The following INPP5D variants were observed in gnomAD, a reference collection of about 807,000 sequenced individuals.
INPP5D encodes inositol polyphosphate-5-phosphatase D, also known as phosphatidylinositol 3,4,5-trisphosphate 5-phosphatase 1.
INPP5D carries 33 observed loss-of-function variants against 122.9 expected under a neutral mutation model. That is an observed-to-expected ratio of 0.27 (90% CI 0.20 to 0.36). The LOEUF is 0.36. Ranked by LOEUF, INPP5D falls within the 10% of genes least tolerant of loss-of-function variation. INPP5D has a pLI of 1.00. For synonymous variants in INPP5D, 584 were observed against 576.2 expected (o/e 1.01, Z -0.19); for missense variants, 1,053 against 1,412.7 (o/e 0.75, Z 4.08).
chr2:233,189,981 G>T lies in INPP5D; in HGVS notation c.2446+44G>T. The T allele has an allele frequency of 6.2e-7, 1 of 1,603,496 alleles. No homozygotes were observed. The highest frequency in any genetic ancestry group is 1.1e-5 in the South Asian group (1 of 89,820). ...GTGCCACACCTGCCTGTGAACTGGC[G>T]GCCTCTGACGTAGCATTGCCTTCAG... On this transcript the variant is annotated intron_variant, in intron 22 of 26. Transcript: ENST00000445964. This position sits in a 1 kb window ranked among gnomAD's most constrained non-coding sequence, Gnocchi z 5.6.
At chr2:233,156,436 C>T (rs1467686543) in intron 9 of INPP5D, among the ~76,000 whole-genome samples, 1 of 152,182 alleles carries the variant, frequency 6.6e-6, no homozygotes, top group Non-Finnish European at 1.5e-5. Context: ...ACTACAGGTG[C>T]CCGCCACCAC....
chr2:233,145,335 A>T, intron 6 of INPP5D: 5 of 456,170 alleles, frequency 1.1e-5, no homozygotes, highest in Non-Finnish European at 2.2e-5. Flanking sequence ...TTAACGGAGC[A>T]TCTTCGTTGG....
chr2:233,171,188 A>G (rs777154015), intron 17 of INPP5D, 36 bp downstream of exon 17: 7 of 1,609,080 alleles, frequency 4.4e-6, no homozygotes, highest in South Asian at 2.2e-5. Flanking sequence ...CCTGCCCTCC[A>G]TCTCCTCCCC....
chr2:233,193,784 AC>A, intron 22 of INPP5D, 27 bp from the exon 23 acceptor site: 1 of 1,613,580 alleles, frequency 6.2e-7, no homozygotes, highest in Non-Finnish European at 8.5e-7. Flanking sequence ...CAGGGTCTTC[AC>A]CCAGCTGTCT....
intron 3 of INPP5D, among the ~76,000 whole-genome samples, chr2:233,124,128 T>A (rs201179628): frequency 6.6e-6 from 1 of 150,694 alleles, no homozygotes; most frequent in African/African-American, 2.5e-5. Context: ...TTTTTTTTTT[T>A]AAAGGCTTAT....
rs1135173 is a variant in INPP5D at position 233,146,227 on chromosome 2, G to A, written c.819G>A (p.Ser273=). The A allele has an allele frequency of 0.39, 275,444 of 704,068 alleles. 62,825 individuals are homozygous for A. The highest frequency in any genetic ancestry group is 0.48 in the Non-Finnish European group (186,594 of 384,932). The allele number at this position is 704,068 out of a possible 1,614,324, so 43.6% of individuals were successfully genotyped here. Residue 273 remains serine, a synonymous_variant, in exon 7 of 27, where the codon TCG becomes TCA. Coordinates refer to ENST00000445964, the MANE Select transcript of INPP5D (RefSeq NM_001017915.3). ...SKLSQLTSLL[S]SIEDKVKALL... is the part of the protein sequence containing the mutation. ...TCAGCCAACTGACAAGCCTGTTGTC[G>A]TCCATTGAAGACAAGGTACGTGTGG...
At position 233,177,633 on chromosome 2, in the gene INPP5D, G is replaced by T. The variant is rs988846934; in HGVS notation, c.2071+287G>T. 6.6e-6 allele frequency among the ~76,000 whole-genome samples: 1 copy of T among 152,184 alleles called. No homozygotes were observed. Among genetic ancestry groups the T allele is most frequent in the Non-Finnish European group, 1.5e-5 (1 of 68,044 alleles). The stretch of plus-strand genomic sequence containing the variant: ...CTGTCACCCAGGCTGGAGTACAATG[G>T]CATGATCTCATCTCACCACAACTTC... On this transcript the variant is annotated intron_variant, in intron 18 of 26. Coordinates refer to ENST00000445964, the MANE Select transcript of INPP5D (RefSeq NM_001017915.3). The surrounding 1 kb of genome is among the most constrained non-coding windows in gnomAD (Gnocchi z 4.2).
intron 1 of INPP5D, among the ~76,000 whole-genome samples, chr2:233,075,112 G>A (rs1691484902): frequency 6.6e-6 from 1 of 152,188 alleles, no homozygotes; most frequent in Admixed American, 6.5e-5. Flanking sequence ...ACTCAGCACA[G>A]GGTGGGCACC....
intron 19 of INPP5D, 147 bp downstream of exon 19, chr2:233,182,646 C>T: frequency 1.5e-6 from 2 of 1,294,204 alleles, no homozygotes; most frequent in African/African-American, 1.5e-5. Context: ...TTCTTCATGT[C>T]CCAGCCACAG....
At chr2:233,179,958 C>T (rs779035250) in intron 18 of INPP5D, among the ~76,000 whole-genome samples, 2 of 152,158 alleles carry the variant, frequency 1.3e-5, no homozygotes, top group Admixed American at 1.3e-4. Flanking sequence ...GACTGCTCAC[C>T]TCTGCTCTAG....
At position 233,206,732 on chromosome 2, in the gene INPP5D, G is replaced by GAC; in HGVS notation, c.*24_*25insAC. ...GAAGCCCTCAGTGAGCTGCCACTGA[G>GAC]TCGGGAGCCCAGAGGAACGGCGTGA... is the stretch of plus-strand genomic sequence containing the variant. On this transcript the variant is annotated 3_prime_UTR_variant, in exon 27 of 27. Coordinates refer to ENST00000445964, the MANE Select transcript of INPP5D (RefSeq NM_001017915.3). This position sits in a 1 kb window ranked among gnomAD's most constrained non-coding sequence, Gnocchi z 4.0. The GAC allele has an allele frequency of 1.3e-6, 1 of 768,240 alleles. No individual in the cohort carries two copies. The highest frequency in any genetic ancestry group is 2.4e-6 in the Non-Finnish European group (1 of 412,244). 47.6% of individuals were successfully genotyped at this position (768,240 alleles called of 1,614,324 possible).
chr2:233,198,510 GC>G, intron 25 of INPP5D, 134 bp downstream of exon 25: 1 of 1,375,036 alleles, frequency 7.3e-7, no homozygotes, highest in Non-Finnish European at 9.6e-7. Flanking sequence ...TATCCCTGGG[GC>G]CTGAACACAG....
intron 9 of INPP5D, among the ~76,000 whole-genome samples, chr2:233,156,345 A>G (rs1260422580): frequency 6.6e-6 from 1 of 152,204 alleles, no homozygotes; most frequent in African/African-American, 2.4e-5. Flanking sequence ...GCTGGAGTGC[A>G]GTGACACGAT....
chr2:233,068,253 C>A (rs1326470724), intron 1 of INPP5D, among the ~76,000 whole-genome samples: 1 of 148,458 alleles, frequency 6.7e-6, no homozygotes, highest in African/African-American at 2.5e-5. Flanking sequence ...CCCTTGCACT[C>A]CAGCCTGGGC....
intron 1 of INPP5D, among the ~76,000 whole-genome samples, chr2:233,066,334 G>A (rs1691225657): frequency 6.6e-6 from 1 of 152,218 alleles, no homozygotes; most frequent in Non-Finnish European, 1.5e-5. Flanking sequence ...GGTCCTCACA[G>A]CCAGGCATTT....
intron 24 of INPP5D, 69 bp downstream of exon 24, chr2:233,195,564 T>A: frequency 6.2e-7 from 1 of 1,604,642 alleles, no homozygotes. Flanking sequence ...TAGCATGGTT[T>A]GGCCGGGTGC....
At chr2:233,133,217 C>A (rs1226004648) in intron 5 of INPP5D, among the ~76,000 whole-genome samples, 1 of 152,100 alleles carries the variant, frequency 6.6e-6, no homozygotes, top group Non-Finnish European at 1.5e-5. Flanking sequence ...ACAGCATGAG[C>A]CACCATGCCC....
At position 233,139,848 on chromosome 2, in the gene INPP5D, C is replaced by A; in HGVS notation, c.672C>A (p.Val224=). Residue 224 remains valine (V), a synonymous_variant, in exon 6 of 27, where the codon GTC becomes GTA. Coordinates refer to ENST00000445964, the MANE Select transcript of INPP5D (RefSeq NM_001017915.3). ...TLLCKELYGE[V]IRTLPSLESL... is the part of the protein sequence containing the mutation. Reference sequence around the variant, plus strand: ...CCTTGTCCCCTGCCCCCAGAGAAGTCATCCGGACCCTCCCATCCCTGGAGT... The same window carrying A: ...CCTTGTCCCCTGCCCCCAGAGAAGTAATCCGGACCCTCCCATCCCTGGAGT... 1 of 398,774 alleles carries A rather than the reference C, an allele frequency of 2.5e-6. No homozygotes were observed. Among genetic ancestry groups the A allele is most frequent in the Non-Finnish European group, 4.4e-6 (1 of 226,214 alleles). 24.7% of individuals were successfully genotyped at this position (398,774 alleles called of 1,614,324 possible).
In INPP5D at chr2:233,189,774, A is replaced by G; in HGVS notation, c.2359-76A>G. On this transcript the variant is annotated intron_variant, in intron 21 of 26. Coordinates refer to ENST00000445964, the MANE Select transcript of INPP5D (RefSeq NM_001017915.3). This position sits in a 1 kb window ranked among gnomAD's most constrained non-coding sequence, Gnocchi z 5.6. Reference sequence around the variant, plus strand: ...ACTAAGAACACCTTTCGTCATCTTCATCCACTTGTCCACCCACCTGTCCCC... The same window carrying G: ...ACTAAGAACACCTTTCGTCATCTTCGTCCACTTGTCCACCCACCTGTCCCC... 6.4e-7 allele frequency: 1 copy of G among 1,569,908 alleles called. No homozygotes were observed. The highest frequency in any genetic ancestry group is 8.6e-7 in the Non-Finnish European group (1 of 1,159,252).
Sources: gnomAD v4.1 joint callset for allele counts (sites outside exome capture counted in the v4.1 genomes callset) on GRCh38, gnomAD v4.1.1 for gene constraint, Gnocchi (gnomAD v3.1) non-coding constraint, MANE v1.5 for transcripts, NCBI Gene and HGNC (gene_info 2026-07-23, HGNC 2026-07-21) for gene names.